DVL1: variants seen among roughly 807,000 people sequenced by gnomAD.
The protein encoded by DVL1 is dishevelled segment polarity protein 1, also known as segment polarity protein dishevelled homolog DVL-1.
DVL1 carries 49 observed loss-of-function variants against 65.0 expected under a neutral mutation model. The ratio of observed to expected loss-of-function variants is 0.75; its 90% CI spans 0.60 to 0.96. The LOEUF (loss-of-function observed/expected upper bound fraction) is 0.96. Among genes scored for constraint, DVL1 ranks in the 40% least tolerant of loss-of-function variants. The probability of loss-of-function intolerance (pLI) is 0.00; values close to 1 mark genes in which losing one functional copy is unlikely to be tolerated. For synonymous variants in DVL1, 608 were observed against 433.9 expected, an observed-to-expected ratio of 1.40 and a Z score of -4.99; for missense variants, 1,197 against 1,045.4, an observed-to-expected ratio of 1.15 and a Z score of -2.00.
In DVL1 at chr1:1,339,642, T is replaced by C. The variant is rs1488194153; in HGVS notation, c.994A>G (p.Ser332Gly). 6.2e-7 allele frequency: 1 copy of C among 1,610,544 alleles called. No homozygotes were observed. The highest frequency in any genetic ancestry group is 8.5e-7 in the Non-Finnish European group (1 of 1,178,296). ...TCCCAGCACTTGGCCACAGTGAGGCTGATGGGCCTGCAGGAACGGTGGTCA... is the reference window on the plus strand; with the variant it reads ...TCCCAGCACTTGGCCACAGTGAGGCCGATGGGCCTGCAGGAACGGTGGTCA... ...REIVSQTGPI[S>G]LTVAKCWDPT... The change falls in exon 10 of 15, where the codon AGC (serine) becomes GGC (glycine). Residue 332 changes from serine (S) to glycine (G), a missense_variant. Physicochemically the swap from Ser to Gly is moderately conservative, Grantham distance 56. Coordinates refer to ENST00000378888, the MANE Select transcript of DVL1 (RefSeq NM_001330311.2).
At chr1:1,336,694 G>A (rs972155150) in intron 14 of DVL1, among the ~76,000 whole-genome samples, 179 bp from the exon 15 acceptor site, 4 of 152,208 alleles carry the variant, frequency 2.6e-5, no homozygotes, top group East Asian at 3.9e-4. Flanking sequence ...GGGCAGCTGC[G>A]GCAGGCATGG....
At chr1:1,341,444 GCACA>G (rs377291181) in intron 5 of DVL1, among the ~76,000 whole-genome samples, 3 of 151,708 alleles carry the variant, frequency 2.0e-5, no homozygotes, top group Admixed American at 6.6e-5. Context: ...TTGCACGCGG[GCACA>G]CACACAGGCG....
rs750922389 is a variant in DVL1, at chr1:1,337,839, G to T, written c.1714+138C>A. 3.9e-6 allele frequency: 3 copies of T among 760,174 alleles called. No individual in the cohort carries two copies. In the South Asian group the frequency reaches 4.4e-5, roughly 11 times the overall value. 47.1% of individuals were successfully genotyped at this position (760,174 alleles called of 1,614,324 possible). ...GGATTGGGGTCAGCAGAGAAGCAGG[G>T]CGGAGCAGCAGCGGGGTGGGGTGGA... is the stretch of plus-strand genomic sequence containing the variant. On this transcript the variant is annotated intron_variant, in intron 14 of 14. Transcript: ENST00000378888.
chr1:1,339,488 G>C (rs1277645931), intron 10 of DVL1, 49 bp from the exon 11 acceptor site: 1 of 1,543,138 alleles, frequency 6.5e-7, no homozygotes, highest in African/African-American at 1.4e-5. Context: ...GGACAGGGTG[G>C]GAGGGCAGGG....
chr1:1,341,697 A>G lies in DVL1; in HGVS notation c.575T>C (p.Val192Ala), dbSNP rs779645908. The change falls in exon 5 of 15, where the codon GTG becomes GCG. Residue 192 changes from valine (V) to alanine (A), a missense_variant. Val to Ala is a moderately conservative substitution (Grantham distance 64). Transcript: ENST00000378888. Reference protein sequence around the residue: ...LSSELESSSFVDSDEDGSTSR... With the variant: ...LSSELESSSFADSDEDGSTSR... ...CGTGCTGCCATCCTCGTCCGAGTCC[A>G]CAAAGCTGCTGGACTCAAGCTCGCT... The G allele has an allele frequency of 6.2e-7, 1 of 1,610,604 alleles. No homozygotes were observed. Among genetic ancestry groups the G allele is most frequent in the Non-Finnish European group, 8.5e-7 (1 of 1,178,050 alleles).
In DVL1 at chr1:1,338,226, C is replaced by T. The variant is rs745919268; in HGVS notation, c.1507+43G>A. On this transcript the variant is annotated intron_variant, in intron 13 of 14. Coordinates refer to ENST00000378888, the MANE Select transcript of DVL1 (RefSeq NM_001330311.2). ...GTGAGGGCCGCGGAGGGGCCTCCGG[C>T]GTTCCCCTCCCCCCCGCCCTGAAGC... 2.5e-5 allele frequency: 39 copies of T among 1,589,138 alleles called. No homozygotes were observed. In the East Asian group the frequency reaches 6.1e-4, roughly 25 times the overall value.
chr1:1,345,860 C>G (rs372927677), intron 1 of DVL1, among the ~76,000 whole-genome samples: 1 of 152,144 alleles, frequency 6.6e-6, no homozygotes, highest in East Asian at 1.9e-4. Context: ...CGCCCCAGGT[C>G]AGGGCCCTCA....
chr1:1,341,285 G>T (rs989517530), intron 5 of DVL1, among the ~76,000 whole-genome samples: 6 of 150,950 alleles, frequency 4.0e-5, no homozygotes, highest in Non-Finnish European at 8.8e-5. Flanking sequence ...CTGTGAAAAC[G>T]CACCTCACAC....
intron 1 of DVL1, among the ~76,000 whole-genome samples, chr1:1,348,567 AG>A (rs1643958513): frequency 6.6e-6 from 1 of 152,068 alleles, no homozygotes; most frequent in Admixed American, 6.6e-5. Flanking sequence ...CCCTGACCCC[AG>A]CCCGCACCAA....
intron 1 of DVL1, among the ~76,000 whole-genome samples, chr1:1,345,066 G>A (rs545591209): frequency 5.9e-4 from 90 of 152,102 alleles, no homozygotes; most frequent in African/African-American, 2.1e-3. Flanking sequence ...CAGCACCCCA[G>A]TACAGCACCC....
At position 1,336,271 on chromosome 1, in the gene DVL1, C is replaced by A. The variant is rs1222592295; in HGVS notation, c.1959G>T (p.Val653=). 5 of 1,564,810 alleles carry A rather than the reference C, an allele frequency of 3.2e-6. No individual in the cohort carries two copies. The highest frequency in any genetic ancestry group is 4.3e-6 in the Non-Finnish European group (5 of 1,161,828). Residue 653 remains valine, a synonymous_variant, in exon 15 of 15, where the codon GTG becomes GTT. Transcript: ENST00000378888. ...PPHPTTKAYT[V]VGGPPGGPPV... ...GGGGTCCCCCGGGTGGCCCCCCCAC[C>A]ACTGTATAGGCCTTGGTCGTGGGGT... is the stretch of plus-strand genomic sequence containing the variant.
intron 5 of DVL1, among the ~76,000 whole-genome samples, chr1:1,340,872 GGCACACAT>G (rs1643782452): frequency 8.6e-6 from 1 of 116,894 alleles, no homozygotes; most frequent in Non-Finnish European, 1.7e-5. Context: ...CCTGCGCACA[GGCACACAT>G]GCACACCCCT....
intron 13 of DVL1, 40 bp downstream of exon 13, chr1:1,338,229 T>TGGGCCCCCCCCCCCCCCCCCCCCCCCCCC: frequency 6.6e-7 from 1 of 1,522,360 alleles, no homozygotes; most frequent in Non-Finnish European, 9.0e-7. Flanking sequence ...CCTCCGGCGT[T>TGGGCCCCCCCCCCCCCCCCCCCCCCCCCC]CCCCTCCCCC....
Position 1,338,190 on chromosome 1 carries a change from G to T in DVL1, c.1508-7C>A. On this transcript the variant is annotated splice_polypyrimidine_tract_variant and splice_region_variant and intron_variant, in intron 13 of 14. Coordinates refer to ENST00000378888, the MANE Select transcript of DVL1 (RefSeq NM_001330311.2). ...AGGTTCAGGGTGGCGAGATCTGGCGGGGGAGGGTAGGTGAGGGCCGCGGAG... is the reference window on the plus strand; with the variant it reads ...AGGTTCAGGGTGGCGAGATCTGGCGTGGGAGGGTAGGTGAGGGCCGCGGAG... The T allele has an allele frequency of 6.3e-7, 1 of 1,599,954 alleles. No individual in the cohort carries two copies. The highest frequency in any genetic ancestry group is 2.2e-5 in the East Asian group (1 of 44,666).
At chr1:1,348,725 G>A (rs1287205855) in intron 1 of DVL1, among the ~76,000 whole-genome samples, 171 bp downstream of exon 1, 8 of 151,684 alleles carry the variant, frequency 5.3e-5, no homozygotes, top group Non-Finnish European at 1.2e-4. Flanking sequence ...ACAGGTGGGC[G>A]CGCGCCGCAC....
chr1:1,337,810 C>T lies in DVL1; in HGVS notation c.1714+167G>A, dbSNP rs1276031419. On this transcript the variant is annotated intron_variant, in intron 14 of 14. Coordinates refer to ENST00000378888, the MANE Select transcript of DVL1 (RefSeq NM_001330311.2). ...CCAGGGCCCAAGTACACAGCAGGAG[C>T]ATGGGATTGGGGTCAGCAGAGAAGC... 8.3e-6 allele frequency: 6 copies of T among 721,220 alleles called. No homozygotes were observed. In the South Asian group the frequency reaches 8.9e-5, roughly 11 times the overall value. 44.7% of individuals were successfully genotyped at this position (721,220 alleles called of 1,614,324 possible). A position where few individuals can be genotyped will look rare whatever the true frequency, so the allele number is the denominator to read the frequency against.
At position 1,340,031 on chromosome 1, in the gene DVL1, G is replaced by A; in HGVS notation, c.909+7C>T. ...TACATGTCACCCCGCAGCCCCCACA[G>A]ACACACCTGCAGCAACATGTCGCCG... On this transcript the variant is annotated splice_region_variant and intron_variant, in intron 8 of 14. Coordinates refer to ENST00000378888, the MANE Select transcript of DVL1 (RefSeq NM_001330311.2). The A allele has an allele frequency of 1.2e-6, 2 of 1,610,164 alleles. No individual in the cohort carries two copies. The highest frequency in any genetic ancestry group is 1.7e-6 in the Non-Finnish European group (2 of 1,178,536).
chr1:1,349,275 G>A lies in DVL1; in HGVS notation c.-210C>T. 1 of 155,676 alleles carries A rather than the reference G, an allele frequency of 6.4e-6. No homozygotes were observed. The highest frequency in any genetic ancestry group is 1.3e-5 in the Non-Finnish European group (1 of 75,038). 9.6% of individuals were successfully genotyped at this position (155,676 alleles called of 1,614,324 possible). On this transcript the variant is annotated 5_prime_UTR_variant, in exon 1 of 15. Coordinates refer to ENST00000378888, the MANE Select transcript of DVL1 (RefSeq NM_001330311.2). The surrounding 1 kb of genome is among the most constrained non-coding windows in gnomAD (Gnocchi z 4.1). ...CGTCCCGACTGCTGCCCCGCGGCCC[G>A]CGGCCGCCCATCCGCCCCCGGCCCG...
chr1:1,341,149 T>G (rs541308064), intron 5 of DVL1, among the ~76,000 whole-genome samples: 3 of 122,104 alleles, frequency 2.5e-5, no homozygotes, highest in Non-Finnish European at 5.0e-5. Flanking sequence ...ACGCACACCT[T>G]CACATACACC....
Sources: gnomAD v4.1 joint callset for allele counts (sites outside exome capture counted in the v4.1 genomes callset) on GRCh38, gnomAD v4.1.1 for gene constraint, Gnocchi (gnomAD v3.1) non-coding constraint, MANE v1.5 for transcripts, NCBI Gene and HGNC (gene_info 2026-07-23, HGNC 2026-07-21) for gene names.